Variants in PTPRD observed in about 807,000 individuals in gnomAD.
PTPRD encodes receptor-type tyrosine-protein phosphatase delta.
PTPRD carries 34 observed loss-of-function variants against 214.5 expected under a neutral mutation model. That is an observed-to-expected ratio of 0.16 (90% CI 0.12 to 0.21). The LOEUF is 0.21. PTPRD is among the 10% of genes least tolerant of loss of function. The pLI is 1.00. For synonymous variants in PTPRD, 1,128 were observed against 845.7 expected (o/e 1.33, Z -5.79); for missense variants, 2,545 against 2,398.7 (o/e 1.06, Z -1.27).
rs545757435 is a variant in PTPRD at position 10,388,150 on chromosome 9, A to G, written c.-599-47133T>C. The stretch of plus-strand genomic sequence containing the variant: ...TAATGGATTAAAAGGGAAAATGGAA[A>G]TGTAAATATAAATTACAATGCAATA... On this transcript the variant is annotated intron_variant, in intron 2 of 45. Coordinates refer to ENST00000381196, the MANE Select transcript of PTPRD (RefSeq NM_002839.4). Among the ~76,000 whole-genome samples, 6 of 151,962 alleles carry G rather than the reference A, an allele frequency of 3.9e-5. 1 individual carries two copies. The highest frequency in any genetic ancestry group is 3.9e-4 in the Admixed American group (6 of 15,222).
intron 4 of PTPRD, among the ~76,000 whole-genome samples, chr9:9,951,135 T>C (rs1006599233): frequency 3.3e-5 from 5 of 152,118 alleles, no homozygotes; most frequent in African/African-American, 4.8e-5. Flanking sequence ...GGGTGAAATA[T>C]GTATATGTAG....
intron 2 of PTPRD, among the ~76,000 whole-genome samples, chr9:10,347,162 T>C (rs2097098850): frequency 6.6e-6 from 1 of 152,140 alleles, no homozygotes; most frequent in Admixed American, 6.6e-5. Context: ...TCTTTTCTCA[T>C]TCCTCTCTTT....
intron 9 of PTPRD, among the ~76,000 whole-genome samples, chr9:9,384,848 A>G (rs10977707): frequency 0.27 from 41,044 of 151,766 alleles, 5,721 homozygotes; most frequent in Middle Eastern, 0.38. Flanking sequence ...ACCCTTATGG[A>G]ATGAGACATT....
At chr9:10,119,025 A>T (rs536694806) in intron 3 of PTPRD, among the ~76,000 whole-genome samples, 1 of 151,910 alleles carries the variant, frequency 6.6e-6, no homozygotes, top group African/African-American at 2.4e-5. Context: ...AATCCAAACA[A>T]AATAAAATAG....
chr9:8,374,788 G>A (rs1409106958), intron 39 of PTPRD, among the ~76,000 whole-genome samples: 1 of 151,890 alleles, frequency 6.6e-6, no homozygotes, highest in Non-Finnish European at 1.5e-5. Flanking sequence ...CTGGAAAAGA[G>A]AAACTTTATC....
intron 14 of PTPRD, among the ~76,000 whole-genome samples, chr9:8,529,405 C>G (rs931020754): frequency 5.3e-5 from 8 of 152,106 alleles, no homozygotes; most frequent in African/African-American, 1.7e-4. Flanking sequence ...AGAAAATTGT[C>G]TGAGGATGCT....
chr9:9,958,651 G>A (rs1056878037), intron 4 of PTPRD, among the ~76,000 whole-genome samples: 1 of 152,098 alleles, frequency 6.6e-6, no homozygotes, highest in South Asian at 2.1e-4. Flanking sequence ...ACACATATCT[G>A]CCAAAAAACT....
At chr9:8,544,800 T>A in intron 14 of PTPRD, among the ~76,000 whole-genome samples, 1 of 152,158 alleles carries the variant, frequency 6.6e-6, no homozygotes, top group African/African-American at 2.4e-5. Flanking sequence ...AAACAGCGGT[T>A]GCTTTTGTAC....
At position 9,943,060 on chromosome 9, in the gene PTPRD, T is replaced by C. The variant is rs114949994; in HGVS notation, c.-471-4450A>G. Among the ~76,000 whole-genome samples the C allele has an allele frequency of 8.0e-3, 1,225 of 152,248 alleles. 14 individuals are homozygous for C. Among genetic ancestry groups the C allele is most frequent in the African/African-American group, 0.028 (1,166 of 41,552 alleles). The stretch of plus-strand genomic sequence containing the variant: ...AAAGCTGATAGTGGATATAGCTGGA[T>C]GTCAGTCTTACATAGGCTGTTAGCC... On this transcript the variant is annotated intron_variant, in intron 4 of 45. Coordinates refer to ENST00000381196, the MANE Select transcript of PTPRD (RefSeq NM_002839.4).
At chr9:9,258,097 A>ATAGATAGG (rs2099978527) in intron 9 of PTPRD, among the ~76,000 whole-genome samples, 2 of 148,814 alleles carry the variant, frequency 1.3e-5, no homozygotes, top group Non-Finnish European at 3.0e-5. Flanking sequence ...ATAGAGATAG[A>ATAGATAGG]TAGATAGATA....
chr9:8,708,769 G>C (rs1442187341), intron 12 of PTPRD, among the ~76,000 whole-genome samples: 1 of 151,578 alleles, frequency 6.6e-6, no homozygotes, highest in Non-Finnish European at 1.5e-5. Context: ...AATGAAATAG[G>C]TATGTCAAAG....
At chr9:8,590,087 T>C (rs936062331) in intron 14 of PTPRD, among the ~76,000 whole-genome samples, 3 of 152,030 alleles carry the variant, frequency 2.0e-5, no homozygotes, top group African/African-American at 7.2e-5. Context: ...TAAGGGTACA[T>C]AGATATTATA....
At chr9:9,323,343 C>A (rs2136108743) in intron 9 of PTPRD, among the ~76,000 whole-genome samples, 1 of 152,188 alleles carries the variant, frequency 6.6e-6, no homozygotes, top group South Asian at 2.1e-4. Flanking sequence ...TACTTATCAT[C>A]TAATTTTATT....
intron 11 of PTPRD, among the ~76,000 whole-genome samples, chr9:8,859,695 A>G (rs916590964): frequency 2.6e-5 from 4 of 151,980 alleles, no homozygotes; most frequent in African/African-American, 9.7e-5. Context: ...GTGCTCCTGA[A>G]AGCCACCGAA....
intron 9 of PTPRD, among the ~76,000 whole-genome samples, chr9:9,342,251 T>G (rs998046963): frequency 2.0e-5 from 3 of 152,304 alleles, no homozygotes; most frequent in Admixed American, 1.3e-4. Context: ...AACTCCCACA[T>G]GTAGTTTATT....
intron 3 of PTPRD, among the ~76,000 whole-genome samples, chr9:10,162,806 G>A (rs773431530): frequency 1.3e-5 from 2 of 148,670 alleles, no homozygotes; most frequent in African/African-American, 2.5e-5. Flanking sequence ...ATATTGTATA[G>A]CTTTACTTTA....
intron 5 of PTPRD, among the ~76,000 whole-genome samples, chr9:9,899,425 A>G (rs1194133861): frequency 1.3e-5 from 2 of 152,180 alleles, no homozygotes; most frequent in Non-Finnish European, 2.9e-5. Flanking sequence ...AGGAAGACAT[A>G]CAAATGGCTA....
intron 12 of PTPRD, among the ~76,000 whole-genome samples, chr9:8,680,133 T>C (rs535159559): frequency 2.0e-5 from 3 of 152,148 alleles, no homozygotes; most frequent in Admixed American, 6.5e-5. Flanking sequence ...GAATAATTTA[T>C]ATTATCTATT....
chr9:9,655,785 C>A (rs1419986468), intron 7 of PTPRD, among the ~76,000 whole-genome samples: 1 of 151,654 alleles, frequency 6.6e-6, no homozygotes, highest in Admixed American at 6.6e-5. Flanking sequence ...TGAGACCAAC[C>A]TGGCCAGTAT....
Sources: gnomAD v4.1 joint callset for allele counts (sites outside exome capture counted in the v4.1 genomes callset) on GRCh38, gnomAD v4.1.1 for gene constraint, MANE v1.5 for transcripts, NCBI Gene and HGNC (gene_info 2026-07-23, HGNC 2026-07-21) for gene names.